Variants in GRID2 observed in about 807,000 individuals in gnomAD.
GRID2 encodes the protein glutamate receptor ionotropic, delta-2.
GRID2 carries 33 observed loss-of-function variants against 114.8 expected under a neutral mutation model. That is an observed-to-expected ratio of 0.29 (90% confidence interval 0.22 to 0.38). GRID2 has a LOEUF of 0.38. Ranked by LOEUF, GRID2 falls within the 10% of genes least tolerant of loss-of-function variation. The probability of loss-of-function intolerance (pLI) is 1.00; values close to 1 mark genes in which losing one functional copy is unlikely to be tolerated. For missense variants in GRID2, 1,184 were observed against 1,257.7 expected (o/e 0.94, Z 0.89); for synonymous variants, 505 against 449.9 (o/e 1.12, Z -1.55).
chr4:92,328,482 C>T (rs1205818896), intron 1 of GRID2, among the ~76,000 whole-genome samples: 3 of 151,994 alleles, frequency 2.0e-5, no homozygotes, highest in Admixed American at 6.6e-5. Context: ...ATACTCCTAC[C>T]ATATTTGCAT....
At chr4:92,779,050 T>A (rs966136403) in intron 2 of GRID2, among the ~76,000 whole-genome samples, 1 of 152,068 alleles carries the variant, frequency 6.6e-6, no homozygotes, top group Non-Finnish European at 1.5e-5. Context: ...ATGTATGAAA[T>A]GTAAGGCAAT....
intron 7 of GRID2, among the ~76,000 whole-genome samples, chr4:93,232,306 G>A (rs1035028376): frequency 6.6e-6 from 1 of 152,000 alleles, no homozygotes; most frequent in African/African-American, 2.4e-5. Context: ...TTCTATATTA[G>A]TAAGTGAACT....
At chr4:93,435,169 A>G (rs1007116438) in intron 10 of GRID2, among the ~76,000 whole-genome samples, 65 of 152,110 alleles carry the variant, frequency 4.3e-4, no homozygotes, top group Non-Finnish European at 8.8e-5. Flanking sequence ...CTGAGATTTC[A>G]TATATTTGGT....
intron 2 of GRID2, among the ~76,000 whole-genome samples, chr4:92,771,963 A>G (rs542221344): frequency 8.5e-5 from 13 of 152,344 alleles, no homozygotes; most frequent in Non-Finnish European, 1.9e-4. Flanking sequence ...TCAGAACTGT[A>G]TTAGACTTAA....
At chr4:92,333,799 A>G (rs1291578593) in intron 1 of GRID2, among the ~76,000 whole-genome samples, 2 of 152,126 alleles carry the variant, frequency 1.3e-5, no homozygotes, top group Non-Finnish European at 2.9e-5. Flanking sequence ...CAGTGGCATG[A>G]TCATTGATTA....
intron 2 of GRID2, among the ~76,000 whole-genome samples, chr4:92,962,656 A>C (rs1470907594): frequency 6.6e-6 from 1 of 151,924 alleles, no homozygotes; most frequent in Admixed American, 6.6e-5. Flanking sequence ...CCCTGCTGGA[A>C]GCATGAAGGG....
chr4:93,120,378 A>G (rs557764937), intron 4 of GRID2, among the ~76,000 whole-genome samples: 57 of 152,326 alleles, frequency 3.7e-4, no homozygotes, highest in Middle Eastern at 3.4e-3. Flanking sequence ...GGATAAAGAA[A>G]GTGTGGCACA....
Position 93,145,470 on chromosome 4 carries a change from TA to T in GRID2, c.735+34518del, listed in dbSNP as rs200284300. On this transcript the variant is annotated intron_variant, in intron 4 of 15. Transcript: ENST00000282020. ...TTGTATTTGTATTTATTTATTTATT[TA>T]TTTTTTTTTGAGACAGTTTCACTCT... 4.4e-3 allele frequency among the ~76,000 whole-genome samples: 425 copies of T among 96,868 alleles called. 3 individuals are homozygous for T. The highest frequency in any genetic ancestry group is 0.038 in the South Asian group (128 of 3,342). The allele number at this position is 96,868 out of a possible 152,430, so 63.5% of individuals were successfully genotyped here. A position where few individuals can be genotyped will look rare whatever the true frequency, so the allele number is the denominator to read the frequency against.
At chr4:93,523,027 C>T (rs1195080707) in intron 13 of GRID2, among the ~76,000 whole-genome samples, 1 of 151,922 alleles carries the variant, frequency 6.6e-6, no homozygotes. Context: ...AGTTAGTGAC[C>T]ACTCAGTAAC....
intron 2 of GRID2, among the ~76,000 whole-genome samples, chr4:92,612,902 G>T (rs1450110720): frequency 6.6e-6 from 1 of 151,270 alleles, no homozygotes; most frequent in Non-Finnish European, 1.5e-5. Flanking sequence ...TTTAAATCTA[G>T]ATGCCTTTTC....
intron 4 of GRID2, among the ~76,000 whole-genome samples, chr4:93,125,223 A>C (rs72887651): frequency 6.6e-6 from 1 of 151,952 alleles, no homozygotes; most frequent in Non-Finnish European, 1.5e-5. Context: ...TTAGTAAGCT[A>C]TCTGAGATCC....
At chr4:92,616,805 A>C (rs1423005978) in intron 2 of GRID2, among the ~76,000 whole-genome samples, 1 of 151,290 alleles carries the variant, frequency 6.6e-6, no homozygotes. Flanking sequence ...CAATCCTTTG[A>C]TATTTGTTAA....
At chr4:93,463,472 GA>G (rs1376130816) in intron 11 of GRID2, among the ~76,000 whole-genome samples, 5 of 152,186 alleles carry the variant, frequency 3.3e-5, no homozygotes, top group African/African-American at 1.2e-4. Flanking sequence ...AGAGTTAAAA[GA>G]AATCAAAGAA....
intron 4 of GRID2, among the ~76,000 whole-genome samples, chr4:93,132,421 C>T (rs1317725325): frequency 6.6e-6 from 1 of 152,164 alleles, no homozygotes; most frequent in Non-Finnish European, 1.5e-5. Flanking sequence ...TCTCAGGTTG[C>T]TTCACTTCCT....
chr4:92,908,462 T>A (rs963358149), intron 2 of GRID2, among the ~76,000 whole-genome samples: 45 of 151,300 alleles, frequency 3.0e-4, no homozygotes, highest in African/African-American at 1.1e-3. Context: ...GCGTTAAAAA[T>A]GTGACCATTA....
intron 11 of GRID2, among the ~76,000 whole-genome samples, chr4:93,485,355 A>G (rs1031503296): frequency 2.6e-5 from 4 of 151,332 alleles, no homozygotes; most frequent in African/African-American, 9.7e-5. Flanking sequence ...CACTCTCTTT[A>G]TGGTATCTTT....
intron 1 of GRID2, among the ~76,000 whole-genome samples, chr4:92,436,201 CA>C (rs1732728404): frequency 6.6e-6 from 1 of 152,064 alleles, no homozygotes; most frequent in African/African-American, 2.4e-5. Flanking sequence ...TAAATAATGG[CA>C]ATGTGTACAG....
At chr4:92,412,678 C>A (rs1234756209) in intron 1 of GRID2, among the ~76,000 whole-genome samples, 1 of 152,138 alleles carries the variant, frequency 6.6e-6, no homozygotes, top group African/African-American at 2.4e-5. Context: ...AATAACTATT[C>A]ATCCCTGCCA....
chr4:92,955,565 T>C (rs1245850040), intron 2 of GRID2, among the ~76,000 whole-genome samples: 3 of 152,128 alleles, frequency 2.0e-5, no homozygotes, highest in Admixed American at 1.3e-4. Context: ...ATTTTGTAGG[T>C]TGCCTGTTCT....
Sources: gnomAD v4.1 joint callset for allele counts (sites outside exome capture counted in the v4.1 genomes callset) on GRCh38, gnomAD v4.1.1 for gene constraint, MANE v1.5 for transcripts, NCBI Gene and HGNC (gene_info 2026-07-23, HGNC 2026-07-21) for gene names.